Variants in SGPL1 observed in about 807,000 individuals in gnomAD.
The protein encoded by SGPL1 is SP-lyase 1.
In SGPL1, 37 loss-of-function variants were observed where a neutral mutation model predicts 68.9. The observed-to-expected ratio is 0.54, with a 90% CI of 0.41 to 0.71. The LOEUF (loss-of-function observed/expected upper bound fraction) is 0.71, where lower values mean the gene tolerates loss of function less well. Ranked by LOEUF, SGPL1 falls within the 30% of genes least tolerant of loss-of-function variation. The pLI, the probability that SGPL1 is intolerant of heterozygous loss-of-function variation, is 0.00. For synonymous variants in SGPL1, 236 were observed against 248.5 expected (o/e 0.95, Z 0.47); for missense variants, 551 against 704.6 (o/e 0.78, Z 2.47).
chr10:70,834,044 C>CT (rs1295311977), intron 2 of SGPL1, among the ~76,000 whole-genome samples: 9 of 152,076 alleles, frequency 5.9e-5, no homozygotes, highest in African/African-American at 2.2e-4. Flanking sequence ...TCGTGGATGT[C>CT]TTTTCCCTGC....
intron 9 of SGPL1, 98 bp downstream of exon 9, chr10:70,869,995 C>T: frequency 2.3e-6 from 2 of 875,464 alleles, no homozygotes; most frequent in Non-Finnish European, 1.8e-6. Flanking sequence ...GTCTGACTGC[C>T]TTTGATTGTG....
chr10:70,832,564 G>T (rs539075580), intron 2 of SGPL1, among the ~76,000 whole-genome samples: 1 of 152,174 alleles, frequency 6.6e-6, no homozygotes, highest in Non-Finnish European at 1.5e-5. Flanking sequence ...ACTTCTTTCT[G>T]TGTGAGAAAT....
At position 70,873,398 on chromosome 10, in the gene SGPL1, G is replaced by C. The variant is rs1846327659; in HGVS notation, c.1107G>C (p.Lys369Asn). 1 of 1,614,148 alleles carries C rather than the reference G, an allele frequency of 6.2e-7. No homozygotes were observed. The highest frequency in any genetic ancestry group is 1.3e-5 in the African/African-American group (1 of 74,952). ...CATCATTGGTGTTGTATAGTGACAAGAAGTACAGGAACTATCAGTTCTTCG... is the reference window on the plus strand; with the variant it reads ...CATCATTGGTGTTGTATAGTGACAACAAGTACAGGAACTATCAGTTCTTCG... ...KGSSLVLYSD[K>N]KYRNYQFFVD... Residue 369 changes from lysine (K) to asparagine (N), a missense_variant, in exon 12 of 15, where the codon AAG becomes AAC. Transcript: ENST00000373202.
intron 13 of SGPL1, 74 bp from the exon 14 acceptor site, chr10:70,876,467 T>C: frequency 1.5e-6 from 2 of 1,366,876 alleles, no homozygotes; most frequent in Non-Finnish European, 2.0e-6. Context: ...GAAATTCCCG[T>C]ATTTGGGGCT....
Position 70,864,755 on chromosome 10 carries a change from G to A in SGPL1, c.616-3590G>A, listed in dbSNP as rs573156637. ...CCTTGCCATTTTCTCTCATCTTGGG[G>A]TGGCATTCTCCAGACATTGTTCTTA... On this transcript the variant is annotated intron_variant, in intron 7 of 14. Coordinates refer to ENST00000373202, the MANE Select transcript of SGPL1 (RefSeq NM_003901.4). 6.6e-5 allele frequency among the ~76,000 whole-genome samples: 10 copies of A among 152,202 alleles called. No individual in the cohort carries two copies. In the East Asian group the frequency reaches 1.7e-3, roughly 26 times the overall value.
At chr10:70,868,516 T>C (rs1314582933) in intron 8 of SGPL1, 83 bp downstream of exon 8, 15 of 1,103,668 alleles carry the variant, frequency 1.4e-5, no homozygotes, top group Non-Finnish European at 1.9e-5. Flanking sequence ...GATAATCCAT[T>C]TTCCTGCTGC....
At chr10:70,830,847 CTT>C (rs1305895278) in intron 2 of SGPL1, among the ~76,000 whole-genome samples, 3 of 152,088 alleles carry the variant, frequency 2.0e-5, no homozygotes, top group Non-Finnish European at 2.9e-5. Flanking sequence ...TATCCTGACT[CTT>C]ATACAGATAT....
intron 7 of SGPL1, among the ~76,000 whole-genome samples, chr10:70,862,192 CT>C (rs1846076699): frequency 6.6e-6 from 1 of 152,246 alleles, no homozygotes; most frequent in Admixed American, 6.5e-5. Flanking sequence ...AATCGGCACT[CT>C]GTATCTAGCT....
At chr10:70,871,174 C>A (rs1050697664) in intron 10 of SGPL1, 28 bp downstream of exon 10, 1 of 1,423,042 alleles carries the variant, frequency 7.0e-7, no homozygotes, top group Non-Finnish European at 9.8e-7. Context: ...GCTGCTAAGG[C>A]AGGCAAATGG....
At chr10:70,855,504 C>T (rs1845950219) in intron 5 of SGPL1, among the ~76,000 whole-genome samples, 1 of 152,230 alleles carries the variant, frequency 6.6e-6, no homozygotes, top group South Asian at 2.1e-4. Flanking sequence ...CTGTATGTCA[C>T]AGTTCCTGTA....
In SGPL1 at chr10:70,815,956, G is replaced by C. The variant is rs1845216890; in HGVS notation, c.-214G>C. ...CCGGTGCCCCCGGAGCCATTTCCGGGAGGGGCGAGGCCGGCGGCTGCCGGG... is the reference window on the plus strand; with the variant it reads ...CCGGTGCCCCCGGAGCCATTTCCGGCAGGGGCGAGGCCGGCGGCTGCCGGG... On this transcript the variant is annotated 5_prime_UTR_variant, in exon 1 of 15. Transcript: ENST00000373202. The C allele has an allele frequency of 6.6e-6, 1 of 151,680 alleles. No individual in the cohort carries two copies. The highest frequency in any genetic ancestry group is 6.6e-5 in the Admixed American group (1 of 15,240). 9.4% of individuals were successfully genotyped at this position (151,680 alleles called of 1,614,324 possible).
At chr10:70,832,743 A>C (rs1186852221) in intron 2 of SGPL1, among the ~76,000 whole-genome samples, 1 of 152,220 alleles carries the variant, frequency 6.6e-6, no homozygotes, top group Admixed American at 6.5e-5. Flanking sequence ...AAACTTAGCA[A>C]CATTCCATGT....
chr10:70,857,816 A>T, intron 6 of SGPL1, 126 bp downstream of exon 6: 1 of 551,100 alleles, frequency 1.8e-6, no homozygotes, highest in Non-Finnish European at 3.2e-6. Flanking sequence ...ATAAAACCAT[A>T]AAAGTTTCTC....
chr10:70,845,283 G>C (rs1409894164), intron 3 of SGPL1, among the ~76,000 whole-genome samples: 2 of 152,080 alleles, frequency 1.3e-5, no homozygotes, highest in Non-Finnish European at 2.9e-5. Context: ...GGAGTTCCCA[G>C]AGCAGGAATT....
chr10:70,828,615 G>A (rs769416338), intron 2 of SGPL1, among the ~76,000 whole-genome samples: 1 of 152,192 alleles, frequency 6.6e-6, no homozygotes, highest in Non-Finnish European at 1.5e-5. Flanking sequence ...TGGGAACAAA[G>A]CAACCTTAGT....
chr10:70,849,533 T>A (rs1845845895), intron 3 of SGPL1, among the ~76,000 whole-genome samples: 1 of 152,244 alleles, frequency 6.6e-6, no homozygotes, highest in African/African-American at 2.4e-5. Context: ...AGTCTGTGTC[T>A]TAGTTACCTG....
At chr10:70,860,560 G>A in intron 7 of SGPL1, 1 of 414,532 alleles carries the variant, frequency 2.4e-6, no homozygotes, top group South Asian at 1.8e-5. Flanking sequence ...TTCCCTTAGA[G>A]TACTGAGGTG....
At chr10:70,863,808 A>G (rs1846127794) in intron 7 of SGPL1, among the ~76,000 whole-genome samples, 2 of 152,184 alleles carry the variant, frequency 1.3e-5, no homozygotes, top group South Asian at 4.1e-4. Context: ...CTTTTGCAGT[A>G]GTGGGATTTA....
chr10:70,856,761 T>A (rs957674809), intron 5 of SGPL1, among the ~76,000 whole-genome samples: 1 of 152,214 alleles, frequency 6.6e-6, no homozygotes, highest in African/African-American at 2.4e-5. Context: ...CAGTTTTTAG[T>A]TGGTGTGTTT....
Sources: gnomAD v4.1 joint callset for allele counts (sites outside exome capture counted in the v4.1 genomes callset) on GRCh38, gnomAD v4.1.1 for gene constraint, MANE v1.5 for transcripts, NCBI Gene and HGNC (gene_info 2026-07-23, HGNC 2026-07-21) for gene names.